Variants in WWOX observed in about 807,000 individuals in gnomAD.
WWOX encodes WW domain-containing oxidoreductase.
In WWOX, 69 loss-of-function variants were observed where a neutral mutation model predicts 46.2. The observed-to-expected ratio is 1.49, with a 90% confidence interval of 1.23 to 1.82. The LOEUF (loss-of-function observed/expected upper bound fraction) is 1.82, where lower values mean the gene tolerates loss of function less well. WWOX is among the 40% of genes most tolerant of loss of function. The pLI, the probability that WWOX is intolerant of heterozygous loss-of-function variation, is 0.00. For missense variants in WWOX, 919 were observed against 542.6 expected (o/e 1.69, Z -6.89); for synonymous variants, 359 against 202.6 (o/e 1.77, Z -6.56).
intron 8 of WWOX, among the ~76,000 whole-genome samples, chr16:78,917,604 G>C (rs748643458): frequency 2.0e-5 from 3 of 151,950 alleles, no homozygotes; most frequent in Non-Finnish European, 4.4e-5. Context: ...TTCTTTTGCA[G>C]CTGCAGCCCT....
intron 8 of WWOX, among the ~76,000 whole-genome samples, chr16:78,603,212 T>C (rs1338308169): frequency 6.6e-6 from 1 of 152,184 alleles, no homozygotes; most frequent in Non-Finnish European, 1.5e-5. Context: ...GAAGTGCCAA[T>C]ATCATTTTCA....
chr16:78,404,496 C>G (rs1409002079), intron 6 of WWOX, among the ~76,000 whole-genome samples: 1 of 152,090 alleles, frequency 6.6e-6, no homozygotes, highest in East Asian at 1.9e-4. Flanking sequence ...CCTCATCTGC[C>G]AGGTCTTTCC....
At chr16:78,202,244 G>A (rs775493745) in intron 5 of WWOX, among the ~76,000 whole-genome samples, 2 of 152,320 alleles carry the variant, frequency 1.3e-5, no homozygotes, top group South Asian at 2.1e-4. Context: ...GATTACTGAC[G>A]TGGAAGAGTT....
At chr16:78,290,487 C>T (rs569637042) in intron 5 of WWOX, among the ~76,000 whole-genome samples, 1 of 152,138 alleles carries the variant, frequency 6.6e-6, no homozygotes, top group African/African-American at 2.4e-5. Context: ...TCAACTGTTT[C>T]AAACTCCTGT....
intron 8 of WWOX, among the ~76,000 whole-genome samples, chr16:78,479,895 C>T (rs1386223124): frequency 6.6e-6 from 1 of 152,166 alleles, no homozygotes; most frequent in African/African-American, 2.4e-5. Flanking sequence ...GTTCACTGCC[C>T]CCTCCTGGGA....
At position 78,862,831 on chromosome 16, in the gene WWOX, C is replaced by T. The variant is rs539745840; in HGVS notation, c.1057-348777C>T. On this transcript the variant is annotated intron_variant, in intron 8 of 8. Coordinates refer to ENST00000566780, the MANE Select transcript of WWOX (RefSeq NM_016373.4). ...AGTCTGCTTTACTCATAGTACTAAT[C>T]GAAACGTTAATGTCCTCCAGAAACG... Among the ~76,000 whole-genome samples, 40 of 152,178 alleles carry T rather than the reference C, an allele frequency of 2.6e-4. No individual in the cohort carries two copies. In the East Asian group the frequency reaches 3.3e-3, roughly 12 times the overall value.
chr16:78,157,693 G>T (rs2034653312), intron 4 of WWOX, among the ~76,000 whole-genome samples: 1 of 152,210 alleles, frequency 6.6e-6, no homozygotes, highest in African/African-American at 2.4e-5. Flanking sequence ...AGGTTAAATT[G>T]TGCTCCAGAG....
At position 78,406,312 on chromosome 16, in the gene WWOX, ATATATATATATATATATATAT is replaced by A. The variant is rs2082536435; in HGVS notation, c.606-18557_606-18537del. 1.7e-3 allele frequency among the ~76,000 whole-genome samples: 65 copies of A among 39,354 alleles called. 1 individual carries two copies. In the African/African-American group the frequency reaches 0.018, roughly 11 times the overall value. The allele number at this position is 39,354 out of a possible 152,430, so 25.8% of individuals were successfully genotyped here. On this transcript the variant is annotated intron_variant, in intron 6 of 8. Coordinates refer to ENST00000566780, the MANE Select transcript of WWOX (RefSeq NM_016373.4). ...ACAGCATATAAATATAAATATATAT[ATATATATATATATATATATAT>A]ATATATATATATATATATATATTTT...
At chr16:78,112,203 T>G (rs1022134901) in intron 3 of WWOX, among the ~76,000 whole-genome samples, 2 of 152,244 alleles carry the variant, frequency 1.3e-5, no homozygotes, top group African/African-American at 4.8e-5. Flanking sequence ...AGAATCTGAT[T>G]GCTACATCAT....
At chr16:78,327,114 C>A (rs539266674) in intron 5 of WWOX, among the ~76,000 whole-genome samples, 1 of 152,268 alleles carries the variant, frequency 6.6e-6, no homozygotes, top group South Asian at 2.1e-4. Context: ...TTTCAAGTCC[C>A]TAAGTGACCC....
chr16:78,535,106 TCTCTTC>T (rs1168447427), intron 8 of WWOX: 1 of 152,410 alleles, frequency 6.6e-6, no homozygotes, highest in Non-Finnish European at 1.5e-5. Context: ...TATGTCTCCT[TCTCTTC>T]CTCTTCCAGT....
At chr16:78,937,348 T>C (rs954410417) in intron 8 of WWOX, among the ~76,000 whole-genome samples, 4 of 151,908 alleles carry the variant, frequency 2.6e-5, no homozygotes, top group Admixed American at 6.6e-5. Context: ...AGATTATGCA[T>C]TAACAAAGAC....
chr16:78,357,787 AATT>A (rs1418277870), intron 5 of WWOX, among the ~76,000 whole-genome samples: 1 of 152,164 alleles, frequency 6.6e-6, no homozygotes, highest in Non-Finnish European at 1.5e-5. Flanking sequence ...GGGTATGTGT[AATT>A]ATTCCCATTT....
chr16:78,328,811 C>CT (rs1247936224), intron 5 of WWOX, among the ~76,000 whole-genome samples: 1 of 148,334 alleles, frequency 6.7e-6, no homozygotes, highest in Non-Finnish European at 1.5e-5. Flanking sequence ...GGTGGTTGAC[C>CT]TTTTGCCGAT....
intron 8 of WWOX, among the ~76,000 whole-genome samples, chr16:79,022,113 G>A (rs1295433517): frequency 6.6e-6 from 1 of 152,220 alleles, no homozygotes; most frequent in African/African-American, 2.4e-5. Flanking sequence ...TGAGTGCAGA[G>A]GCACGTAGGC....
At chr16:78,915,517 A>G (rs2045228196) in intron 8 of WWOX, among the ~76,000 whole-genome samples, 1 of 152,194 alleles carries the variant, frequency 6.6e-6, no homozygotes, top group Non-Finnish European at 1.5e-5. Context: ...TCGCATGCAG[A>G]TCAATGAGCC....
intron 8 of WWOX, among the ~76,000 whole-genome samples, chr16:78,565,965 G>A (rs1359282165): frequency 6.9e-6 from 1 of 144,948 alleles, no homozygotes; most frequent in East Asian, 2.1e-4. Context: ...TGTCTGCCTG[G>A]ATGGCTTTAA....
chr16:78,334,297 A>G (rs1236216549), intron 5 of WWOX, among the ~76,000 whole-genome samples: 2 of 152,244 alleles, frequency 1.3e-5, no homozygotes, highest in Non-Finnish European at 2.9e-5. Flanking sequence ...CCGTGAATGC[A>G]CAATTTATGT....
chr16:78,486,628 G>A (rs764662892), intron 8 of WWOX, among the ~76,000 whole-genome samples: 4 of 150,386 alleles, frequency 2.7e-5, no homozygotes, highest in Non-Finnish European at 4.4e-5. Flanking sequence ...AGGCTGGAGT[G>A]TAGTGGTGTG....
Sources: allele counts gnomAD v4.1 joint callset (sites outside exome capture counted in the v4.1 genomes callset), GRCh38; gene constraint gnomAD v4.1.1; transcripts MANE v1.5; gene names NCBI Gene and HGNC (gene_info 2026-07-23, HGNC 2026-07-21).